ZNF532: variants seen among roughly 807,000 people sequenced by gnomAD.
ZNF532 encodes the protein zinc finger protein 532.
In ZNF532, 22 loss-of-function variants were observed where a neutral mutation model predicts 89.3. That is an observed-to-expected ratio of 0.25 (90% confidence interval 0.18 to 0.35). The LOEUF is 0.35. ZNF532 is among the 10% of genes least tolerant of loss of function. ZNF532 has a pLI of 1.00. For missense variants in ZNF532, 1,132 were observed against 1,643.4 expected (o/e 0.69, Z 5.38); for synonymous variants, 606 against 649.6 (o/e 0.93, Z 1.02).
At chr18:58,889,026 C>A (rs2058703274) in intron 2 of ZNF532, among the ~76,000 whole-genome samples, 1 of 145,762 alleles carries the variant, frequency 6.9e-6, no homozygotes, top group Non-Finnish European at 1.5e-5. Context: ...CATCTCAAAT[C>A]TAAAAATCCA....
intron 5 of ZNF532, among the ~76,000 whole-genome samples, chr18:58,947,202 C>G (rs568378399): frequency 2.6e-5 from 4 of 152,176 alleles, no homozygotes; most frequent in Non-Finnish European, 4.4e-5. Flanking sequence ...AAATGGTGAC[C>G]TGCTGCCATC....
chr18:58,904,021 C>T (rs1471182357), intron 2 of ZNF532, among the ~76,000 whole-genome samples: 4 of 152,072 alleles, frequency 2.6e-5, no homozygotes, highest in Non-Finnish European at 4.4e-5. Context: ...AATAGGTGGC[C>T]TTTTTGCTTT....
chr18:58,980,568 G>T (rs1163309514), intron 8 of ZNF532: 2 of 152,214 alleles, frequency 1.3e-5, no homozygotes, highest in African/African-American at 4.8e-5. Context: ...GACCACAAGA[G>T]ACTTTTTGTC....
At chr18:58,905,741 A>C (rs921042532) in intron 2 of ZNF532, among the ~76,000 whole-genome samples, 3 of 152,206 alleles carry the variant, frequency 2.0e-5, no homozygotes, top group African/African-American at 7.2e-5. Context: ...AACCACCAAC[A>C]ACTAAAGTCT....
chr18:58,966,241 G>C (rs1266544847), intron 7 of ZNF532, among the ~76,000 whole-genome samples: 1 of 152,078 alleles, frequency 6.6e-6, no homozygotes, highest in African/African-American at 2.4e-5. Context: ...TGCCTAACAG[G>C]AAGATGAGAT....
intron 5 of ZNF532, among the ~76,000 whole-genome samples, chr18:58,941,988 TTC>T (rs1568380062): frequency 8.7e-6 from 1 of 115,370 alleles, no homozygotes; most frequent in African/African-American, 3.2e-5. Flanking sequence ...CCTTCCCTCC[TTC>T]CCTTCCTTCC....
At chr18:58,953,070 G>C (rs189254151) in intron 6 of ZNF532, 6 of 154,838 alleles carry the variant, frequency 3.9e-5, no homozygotes, top group African/African-American at 1.2e-4. Flanking sequence ...CTAACGTATT[G>C]ATCTTAGATG....
intron 2 of ZNF532, among the ~76,000 whole-genome samples, chr18:58,867,859 GCA>G (rs1393191486): frequency 6.6e-6 from 1 of 152,158 alleles, no homozygotes; most frequent in Non-Finnish European, 1.5e-5. Context: ...TGGTTCAGGA[GCA>G]CACACGCTCT....
At chr18:58,870,405 C>T (rs922888737) in intron 2 of ZNF532, among the ~76,000 whole-genome samples, 93 of 152,190 alleles carry the variant, frequency 6.1e-4, no homozygotes, top group Non-Finnish European at 5.0e-4. Context: ...GCAGTCAGAG[C>T]CTGGGAGAGC....
At chr18:58,965,416 G>A (rs2065823915) in intron 7 of ZNF532, among the ~76,000 whole-genome samples, 2 of 152,200 alleles carry the variant, frequency 1.3e-5, no homozygotes, top group African/African-American at 4.8e-5. Context: ...GCCTGCCAGA[G>A]GCAGGTTTCT....
chr18:58,870,679 A>G (rs1034171976), intron 2 of ZNF532, among the ~76,000 whole-genome samples: 4 of 152,186 alleles, frequency 2.6e-5, no homozygotes, highest in Non-Finnish European at 4.4e-5. Flanking sequence ...CCGGCAATCC[A>G]GGAGAGAAAG....
chr18:58,888,713 A>ATAAAAT (rs1555708866), intron 2 of ZNF532, among the ~76,000 whole-genome samples: 10 of 17,696 alleles, frequency 5.7e-4, no homozygotes, highest in Non-Finnish European at 1.1e-3. Flanking sequence ...ATATATATAT[A>ATAAAAT]TATATATATA....
intron 2 of ZNF532, among the ~76,000 whole-genome samples, chr18:58,888,828 TTA>T (rs1346597469): frequency 0.03 from 1,393 of 45,700 alleles, 154 homozygotes; most frequent in Middle Eastern, 0.06. Context: ...TATATATAAA[TTA>T]TATATATAAT....
chr18:58,895,819 C>T lies in ZNF532; in HGVS notation c.-17-22452C>T, dbSNP rs78095512. On this transcript the variant is annotated intron_variant, in intron 2 of 9. Transcript: ENST00000591808. ...ATAAGGGGTGCCAGACATTAGAATACAGTGCATTTCTCAAATCTTCACTTT... is the reference window on the plus strand; with the variant it reads ...ATAAGGGGTGCCAGACATTAGAATATAGTGCATTTCTCAAATCTTCACTTT... Among the ~76,000 whole-genome samples, 8 of 152,062 alleles carry T rather than the reference C, an allele frequency of 5.3e-5. No homozygotes were observed. In the East Asian group the frequency reaches 1.4e-3, roughly 26 times the overall value.
At chr18:58,867,814 C>T (rs981871708) in intron 2 of ZNF532, among the ~76,000 whole-genome samples, 1 of 152,226 alleles carries the variant, frequency 6.6e-6, no homozygotes, top group African/African-American at 2.4e-5. Flanking sequence ...TTAAAGAACA[C>T]TGGAGCCAGG....
At chr18:58,967,361 C>T (rs184017398) in intron 7 of ZNF532, among the ~76,000 whole-genome samples, 1 of 152,206 alleles carries the variant, frequency 6.6e-6, no homozygotes, top group South Asian at 2.1e-4. Context: ...CTCTCCTCCC[C>T]CTGGACCCTT....
At chr18:58,876,961 G>C (rs2057478820) in intron 2 of ZNF532, among the ~76,000 whole-genome samples, 1 of 152,104 alleles carries the variant, frequency 6.6e-6, no homozygotes, top group Non-Finnish European at 1.5e-5. Flanking sequence ...TTAGGAGACT[G>C]AGGCAAGAGG....
At chr18:58,922,042 G>A (rs2061134564) in intron 3 of ZNF532, among the ~76,000 whole-genome samples, 1 of 152,100 alleles carries the variant, frequency 6.6e-6, no homozygotes, top group Non-Finnish European at 1.5e-5. Context: ...GAGAGGTGGA[G>A]GTTGCAGTGA....
chr18:58,948,054 T>A lies in ZNF532; in HGVS notation c.2706-13T>A, dbSNP rs1050147684. ...GCTGACTGACATGATCTCGCTGCAC[T>A]CTTCTATTTTAGAATAATATATAAG... On this transcript the variant is annotated splice_polypyrimidine_tract_variant and intron_variant, in intron 5 of 9. Transcript: ENST00000591808. 1 of 1,603,508 alleles carries A rather than the reference T, an allele frequency of 6.2e-7. No individual in the cohort carries two copies. Among genetic ancestry groups the A allele is most frequent in the African/African-American group, 1.3e-5 (1 of 74,482 alleles).
Sources: allele counts gnomAD v4.1 joint callset (sites outside exome capture counted in the v4.1 genomes callset), GRCh38; gene constraint gnomAD v4.1.1; transcripts MANE v1.5; gene names NCBI Gene and HGNC (gene_info 2026-07-23, HGNC 2026-07-21).